Variants in HCN1 observed in about 807,000 individuals in gnomAD.
HCN1 encodes the protein potassium/sodium hyperpolarization-activated cyclic nucleotide-gated channel 1.
A neutral mutation model predicts 78.9 loss-of-function variants in HCN1; 13 were observed. That is an observed-to-expected ratio of 0.16 (90% CI 0.11 to 0.26). The LOEUF (loss-of-function observed/expected upper bound fraction) is 0.26. Ranked by LOEUF, HCN1 falls within the 10% of genes least tolerant of loss-of-function variation. The pLI is 1.00. For synonymous variants in HCN1, 552 were observed against 455.5 expected, an observed-to-expected ratio of 1.21 and a Z score of -2.70; for missense variants, 810 against 1,154.3, an observed-to-expected ratio of 0.70 and a Z score of 4.32.
chr5:45,288,646 T>A (rs970934803), intron 6 of HCN1, among the ~76,000 whole-genome samples: 3 of 151,988 alleles, frequency 2.0e-5, no homozygotes, highest in Non-Finnish European at 2.9e-5. Context: ...AAATATATAA[T>A]TTAGTAAATT....
chr5:45,301,820 A>C (rs1288486099), intron 6 of HCN1, among the ~76,000 whole-genome samples: 1 of 152,040 alleles, frequency 6.6e-6, no homozygotes, highest in African/African-American at 2.4e-5. Flanking sequence ...CTAAGAAAAA[A>C]TAGGCAGATT....
intron 4 of HCN1, among the ~76,000 whole-genome samples, chr5:45,374,067 T>G (rs1199770202): frequency 9.5e-5 from 9 of 94,742 alleles, no homozygotes; most frequent in Non-Finnish European, 1.8e-4. Flanking sequence ...ATATATATAA[T>G]ATATATAATA....
chr5:45,368,159 T>G (rs1234320998), intron 4 of HCN1, among the ~76,000 whole-genome samples: 1 of 152,028 alleles, frequency 6.6e-6, no homozygotes, highest in Non-Finnish European at 1.5e-5. Context: ...AGATTCTGTT[T>G]CAATTAATAC....
At chr5:45,297,849 G>GA (rs1442170580) in intron 6 of HCN1, among the ~76,000 whole-genome samples, 6 of 151,850 alleles carry the variant, frequency 4.0e-5, no homozygotes, top group African/African-American at 1.2e-4. Context: ...GACTAGAGAA[G>GA]AAAAAACATA....
chr5:45,563,710 C>T (rs186045178), intron 2 of HCN1, among the ~76,000 whole-genome samples: 7 of 151,730 alleles, frequency 4.6e-5, no homozygotes, highest in Admixed American at 2.0e-4. Context: ...ATTTATTCAA[C>T]CTCTTTTTAG....
chr5:45,262,098 C>T lies in HCN1; in HGVS notation c.2496G>A (p.Arg832=), dbSNP rs267600644. 2 of 1,612,664 alleles carry T rather than the reference C, an allele frequency of 1.2e-6. No homozygotes were observed. The highest frequency in any genetic ancestry group is 1.7e-6 in the Non-Finnish European group (2 of 1,179,192). Residue 832 remains arginine (R), a synonymous_variant, in exon 8 of 8, where the codon AGG becomes AGA. Transcript: ENST00000303230. Reference sequence around the variant, plus strand: ...GGGTGACGCGCTGCGGGACAGTGCTCCTGCCCCCTGCCTGAAGGCCCGTTC... The same window carrying T: ...GGGTGACGCGCTGCGGGACAGTGCTTCTGCCCCCTGCCTGAAGGCCCGTTC... The part of the protein sequence containing the change: ...VPGTGLQAGG[R]STVPQRVTLF...
In HCN1 at chr5:45,350,608, T is replaced by C. The variant is rs1176660575; in HGVS notation, c.1377+2492A>G. ...TTGTCCCTGTTTGCAGATGACATGA[T>C]TGTATATCTAGAAAACCCCATTGTC... is the stretch of plus-strand genomic sequence containing the variant. On this transcript the variant is annotated intron_variant, in intron 5 of 7. Coordinates refer to ENST00000303230, the MANE Select transcript of HCN1 (RefSeq NM_021072.4). 2.6e-5 allele frequency among the ~76,000 whole-genome samples: 4 copies of C among 151,466 alleles called. No individual in the cohort carries two copies. The East Asian group carries it at 5.8e-4, about 22-fold the overall frequency.
intron 4 of HCN1, among the ~76,000 whole-genome samples, chr5:45,379,347 T>A (rs1747757745): frequency 6.6e-6 from 1 of 152,128 alleles, no homozygotes; most frequent in South Asian, 2.1e-4. Flanking sequence ...GAAACACTAT[T>A]TAGGAAAATT....
chr5:45,524,080 G>C (rs1384188167), intron 2 of HCN1, among the ~76,000 whole-genome samples: 1 of 152,062 alleles, frequency 6.6e-6, no homozygotes. Context: ...TCTATACATG[G>C]CTAGCCAGTT....
At chr5:45,548,610 A>G (rs1352763548) in intron 2 of HCN1, among the ~76,000 whole-genome samples, 2 of 151,822 alleles carry the variant, frequency 1.3e-5, no homozygotes, top group African/African-American at 4.8e-5. Flanking sequence ...CTCTCTCACC[A>G]CTCCTATTCA....
At chr5:45,368,518 T>C (rs1747282977) in intron 4 of HCN1, among the ~76,000 whole-genome samples, 1 of 152,014 alleles carries the variant, frequency 6.6e-6, no homozygotes, top group Non-Finnish European at 1.5e-5. Flanking sequence ...AGAATGTTGT[T>C]CTCTCCCAGT....
chr5:45,264,727 T>C (rs1428969328), intron 7 of HCN1, among the ~76,000 whole-genome samples: 1 of 152,120 alleles, frequency 6.6e-6, no homozygotes, highest in Non-Finnish European at 1.5e-5. Flanking sequence ...TCTGATTATG[T>C]GAACAGTCAA....
intron 2 of HCN1, among the ~76,000 whole-genome samples, chr5:45,614,243 G>T (rs1228643096): frequency 6.6e-6 from 1 of 152,014 alleles, no homozygotes; most frequent in African/African-American, 2.4e-5. Flanking sequence ...TTGTATCCTG[G>T]AAGATGATGA....
chr5:45,421,571 C>T (rs1740229527), intron 3 of HCN1, among the ~76,000 whole-genome samples: 2 of 151,584 alleles, frequency 1.3e-5, no homozygotes, highest in Non-Finnish European at 2.9e-5. Flanking sequence ...AAAAAAAAAC[C>T]AAGAAACAGA....
chr5:45,536,686 G>A (rs1742974611), intron 2 of HCN1, among the ~76,000 whole-genome samples: 1 of 152,000 alleles, frequency 6.6e-6, no homozygotes, highest in Non-Finnish European at 1.5e-5. Context: ...CCAACTGCTT[G>A]TTTTCTTGAG....
chr5:45,300,521 T>G (rs1349400778), intron 6 of HCN1, among the ~76,000 whole-genome samples: 1 of 152,090 alleles, frequency 6.6e-6, no homozygotes, highest in Non-Finnish European at 1.5e-5. Context: ...TTTAAATATT[T>G]TATATTCTTT....
chr5:45,535,818 A>G (rs895409313), intron 2 of HCN1, among the ~76,000 whole-genome samples: 2 of 152,100 alleles, frequency 1.3e-5, no homozygotes, highest in African/African-American at 2.4e-5. Context: ...ATATACACTG[A>G]TTATTTTTAA....
At chr5:45,458,712 G>T (rs76991363) in intron 3 of HCN1, among the ~76,000 whole-genome samples, 2,985 of 152,114 alleles carry the variant, frequency 0.02, 46 homozygotes, top group Non-Finnish European at 0.026. Flanking sequence ...TCTACTCTTG[G>T]TTCTATAATC....
intron 2 of HCN1, among the ~76,000 whole-genome samples, chr5:45,610,291 T>C (rs187411381): frequency 6.6e-6 from 1 of 152,006 alleles, no homozygotes; most frequent in Non-Finnish European, 1.5e-5. Flanking sequence ...TACCTCCCTA[T>C]AGAACTATCT....
Sources: gnomAD v4.1 joint callset for allele counts (sites outside exome capture counted in the v4.1 genomes callset) on GRCh38, gnomAD v4.1.1 for gene constraint, MANE v1.5 for transcripts, NCBI Gene and HGNC (gene_info 2026-07-23, HGNC 2026-07-21) for gene names.